BRD10: variants seen among roughly 807,000 people sequenced by gnomAD.
The protein encoded by BRD10 is uncharacterized bromodomain-containing protein 10.
At chr9:5,920,921 A>G in the BRD10 span, 6 of 1,613,894 alleles carry the variant, frequency 3.7e-6, no homozygotes, top group South Asian at 1.1e-5. Flanking sequence ...CAAAATAGGC[A>G]TAATTCTTGA....
chr9:5,932,587 A>G, the BRD10 span, among the ~76,000 whole-genome samples: 1 of 152,328 alleles, frequency 6.6e-6, no homozygotes, highest in Admixed American at 6.5e-5. Flanking sequence ...GGATGTGTGT[A>G]GGTTATACAT....
the BRD10 span, among the ~76,000 whole-genome samples, chr9:5,958,849 G>A: frequency 9.5e-4 from 145 of 152,218 alleles, no homozygotes; most frequent in African/African-American, 3.4e-3. Context: ...AAAGTGCCTG[G>A]GATGTAAAGT....
chr9:5,941,576 G>A, the BRD10 span, among the ~76,000 whole-genome samples: 1 of 152,102 alleles, frequency 6.6e-6, no homozygotes, highest in Non-Finnish European at 1.5e-5. Flanking sequence ...CAAGTGAACT[G>A]CGTATAAATT....
At chr9:5,949,371 A>AAACAAC in the BRD10 span, among the ~76,000 whole-genome samples, 5 of 151,980 alleles carry the variant, frequency 3.3e-5, no homozygotes, top group East Asian at 5.8e-4. Flanking sequence ...ACAAACAAAC[A>AAACAAC]AACAACAACA....
the BRD10 span, among the ~76,000 whole-genome samples, chr9:5,969,806 A>G: frequency 2.0e-5 from 3 of 152,308 alleles, no homozygotes; most frequent in South Asian, 4.1e-4. Context: ...TCGGCCTCCC[A>G]AAGTGTTGAG....
chr9:5,953,999 A>T, the BRD10 span: 1 of 1,491,780 alleles, frequency 6.7e-7, no homozygotes, highest in Non-Finnish European at 9.2e-7. Flanking sequence ...ATTTCGAGAC[A>T]AAGTTGAAAC....
At chr9:5,960,271 A>AT in the BRD10 span, among the ~76,000 whole-genome samples, 1 of 152,176 alleles carries the variant, frequency 6.6e-6, no homozygotes, top group East Asian at 1.9e-4. Context: ...GGTGAAAATA[A>AT]TAACTACTGG....
At chr9:5,955,446 TG>T in the BRD10 span, among the ~76,000 whole-genome samples, 2 of 152,234 alleles carry the variant, frequency 1.3e-5, no homozygotes, top group African/African-American at 4.8e-5. Context: ...ATAATCCTAA[TG>T]CTCCTTTCCA....
At chr9:5,997,033 T>C in the BRD10 span, among the ~76,000 whole-genome samples, 2 of 152,218 alleles carry the variant, frequency 1.3e-5, no homozygotes, top group Non-Finnish European at 2.9e-5. Flanking sequence ...GATGAGGCTT[T>C]AAAGTAGCTG....
chr9:5,949,013 T>C, the BRD10 span, among the ~76,000 whole-genome samples: 2 of 152,170 alleles, frequency 1.3e-5, no homozygotes, highest in African/African-American at 4.8e-5. Context: ...TAAACAACCA[T>C]GTGATTAAAC....
the BRD10 span, chr9:6,007,170 C>G: frequency 7.3e-5 from 117 of 1,602,068 alleles, no homozygotes; most frequent in South Asian, 1.0e-3. Context: ...GTCTGTCAGT[C>G]CCACCGGGGA....
the BRD10 span, among the ~76,000 whole-genome samples, chr9:5,972,338 C>T: frequency 3.3e-5 from 5 of 152,002 alleles, no homozygotes; most frequent in Non-Finnish European, 7.4e-5. Context: ...GTTTTGAATA[C>T]GAATTAAAAA....
At chr9:5,903,950 T>G in the BRD10 span, among the ~76,000 whole-genome samples, 1 of 151,810 alleles carries the variant, frequency 6.6e-6, no homozygotes, top group African/African-American at 2.4e-5. Flanking sequence ...CTCCACTTCC[T>G]GGGTTCAAGT....
chr9:5,994,739 T>C, the BRD10 span, among the ~76,000 whole-genome samples: 1 of 152,170 alleles, frequency 6.6e-6, no homozygotes, highest in South Asian at 2.1e-4. Flanking sequence ...CCTTCACTCC[T>C]ATACTTCTCC....
chr9:6,003,884 T>G, the BRD10 span, among the ~76,000 whole-genome samples: 1 of 152,204 alleles, frequency 6.6e-6, no homozygotes, highest in African/African-American at 2.4e-5. Context: ...AGAACATACT[T>G]AAGTCCTAAT....
chr9:5,915,964 T>C, the BRD10 span, among the ~76,000 whole-genome samples: 3 of 152,234 alleles, frequency 2.0e-5, no homozygotes, highest in Non-Finnish European at 2.9e-5. Flanking sequence ...CTAATACTTC[T>C]TCATACATTT....
chr9:5,982,604 T>C, the BRD10 span, among the ~76,000 whole-genome samples: 2 of 152,218 alleles, frequency 1.3e-5, no homozygotes, highest in Non-Finnish European at 2.9e-5. Flanking sequence ...TGCAGAGAGT[T>C]GCCATCAGCA....
At chr9:5,897,297 G>A in the BRD10 span, among the ~76,000 whole-genome samples, 1 of 152,190 alleles carries the variant, frequency 6.6e-6, no homozygotes, top group African/African-American at 2.4e-5. Flanking sequence ...TCTCATACCT[G>A]GAACTTGGGT....
the BRD10 span, among the ~76,000 whole-genome samples, chr9:5,905,438 G>A: frequency 6.6e-6 from 1 of 152,124 alleles, no homozygotes; most frequent in Non-Finnish European, 1.5e-5. Flanking sequence ...ACTCTTTGTG[G>A]CAATATCAAA....
Sources: allele counts gnomAD v4.1 joint callset (sites outside exome capture counted in the v4.1 genomes callset), GRCh38; gene constraint gnomAD v4.1.1; transcripts MANE v1.5; gene names NCBI Gene and HGNC (gene_info 2026-07-23, HGNC 2026-07-21).